Variants in PLEKHM1 observed in about 807,000 individuals in gnomAD.
PLEKHM1 encodes the protein pleckstrin homology domain-containing family M member 1.
A neutral mutation model predicts 94.3 loss-of-function variants in PLEKHM1; 28 were observed. That is an observed-to-expected ratio of 0.30 (90% CI 0.22 to 0.41). PLEKHM1 has a LOEUF of 0.41. Ranked by LOEUF, PLEKHM1 falls within the 10% of genes least tolerant of loss-of-function variation. The pLI is 1.00. For synonymous variants in PLEKHM1, 424 were observed against 581.2 expected, an observed-to-expected ratio of 0.73 and a Z score of 3.89; for missense variants, 907 against 1,358.6, an observed-to-expected ratio of 0.67 and a Z score of 5.22.
At chr17:45,476,573 C>T (rs1396406706) in intron 3 of PLEKHM1, among the ~76,000 whole-genome samples, 12 of 152,100 alleles carry the variant, frequency 7.9e-5, no homozygotes, top group Admixed American at 6.6e-5. Context: ...CACCAGAACC[C>T]CCTGGGGAAC....
intron 6 of PLEKHM1, 104 bp downstream of exon 6, chr17:45,458,065 A>G (rs1348730470): frequency 1.2e-6 from 1 of 828,772 alleles, no homozygotes; most frequent in East Asian, 2.7e-5. Context: ...CACTTGTGGG[A>G]ACACACTACC....
rs2051394057 is a variant in PLEKHM1 at position 45,468,498 on chromosome 17, G to C, written c.1019C>G (p.Ser340Cys). The change falls in exon 5 of 12, where the codon TCC (serine) becomes TGC (cysteine). Residue 340 changes from serine to cysteine, a missense_variant. Ser to Cys is a moderately radical substitution (Grantham distance 112). Coordinates refer to ENST00000430334, the MANE Select transcript of PLEKHM1 (RefSeq NM_014798.3). ...TGTGCTGGTGTTGAGGCCATGGAGGGAGAGCGAGGCCTGTGGTGTGGGGAT... is the reference window on the plus strand; with the variant it reads ...TGTGCTGGTGTTGAGGCCATGGAGGCAGAGCGAGGCCTGTGGTGTGGGGAT... ...TEIPTPQASL[S>C]LHGLNTSTYL... 2 of 1,614,246 alleles carry C rather than the reference G, an allele frequency of 1.2e-6. No homozygotes were observed. Among genetic ancestry groups the C allele is most frequent in the Non-Finnish European group, 1.7e-6 (2 of 1,180,054 alleles).
rs1341754881 is a variant in PLEKHM1, at chr17:45,468,410, A to G, written c.1107T>C (p.Asp369=). Residue 369 remains aspartate, a synonymous_variant, in exon 5 of 12, where the codon GAT becomes GAC. Coordinates refer to ENST00000430334, the MANE Select transcript of PLEKHM1 (RefSeq NM_014798.3). ...LPAQAASGTQ[D]GVHVQEPRPQ... ...GACGCGGCTCCTGCACGTGGACACC[A>G]TCTTGAGTTCCAGAGGCTGCCTGGG... The G allele has an allele frequency of 2.5e-6, 4 of 1,614,112 alleles. No homozygotes were observed. Among genetic ancestry groups the G allele is most frequent in the South Asian group, 1.1e-5 (1 of 91,090 alleles).
In PLEKHM1 at chr17:45,454,221, C is replaced by T. The variant is rs866043195; in HGVS notation, c.1631G>A (p.Arg544Gln). ...CTCCTTCCAGATGCCCATTGCCCCC[C>T]GCCGCTCCACGGTGCCCAGCTTCAT... ...GLMKLGTVERRGAMGIWKELF... is the reference protein window; with the variant it reads ...GLMKLGTVERQGAMGIWKELF... Residue 544 changes from arginine (R) to glutamine (Q), a missense_variant, in exon 7 of 12, where the codon CGG becomes CAG. Physicochemically the swap from Arg to Gln is conservative, Grantham distance 43 (BLOSUM62 1). Transcript: ENST00000430334. 5.0e-6 allele frequency: 8 copies of T among 1,610,734 alleles called. No homozygotes were observed. The highest frequency in any genetic ancestry group is 1.7e-5 in the Admixed American group (1 of 59,702).
In PLEKHM1 at chr17:45,475,106, A is replaced by G; in HGVS notation, c.917T>C (p.Leu306Pro). The G allele has an allele frequency of 6.2e-7, 1 of 1,614,024 alleles. No individual in the cohort carries two copies. Among genetic ancestry groups the G allele is most frequent in the Non-Finnish European group, 8.5e-7 (1 of 1,179,864 alleles). The change falls in exon 4 of 12, where the codon CTG becomes CCG. Residue 306 changes from leucine (L) to proline (P), a missense_variant. Transcript: ENST00000430334. ...TANAEDSDRS[L>P]QEVLLEFSKA... ...GTGGGGGCAGCGTACTCACTCTTGC[A>G]GAGACCGGTCTGAGTCCTCAGCATT...
chr17:45,443,558 C>T lies in PLEKHM1; in HGVS notation c.2837+1912G>A, dbSNP rs559355499. ...AGGAGGGTCAGGGAGAGAGACAGGG[C>T]TGCCCCTGGTGCCCACAGAGACAGG... On this transcript the variant is annotated intron_variant, in intron 9 of 11. Coordinates refer to ENST00000430334, the MANE Select transcript of PLEKHM1 (RefSeq NM_014798.3). Among the ~76,000 whole-genome samples, 3 of 152,320 alleles carry T rather than the reference C, an allele frequency of 2.0e-5. No individual in the cohort carries two copies. In the East Asian group the frequency reaches 5.8e-4, roughly 29 times the overall value.
At position 45,475,482 on chromosome 17, in the gene PLEKHM1, T is replaced by G. The variant is rs1280421877; in HGVS notation, c.541A>C (p.Lys181Gln). Residue 181 changes from lysine to glutamine, a missense_variant, in exon 4 of 12, where the codon AAG becomes CAG. Lys to Gln is a moderately conservative substitution (Grantham distance 53, BLOSUM62 1). Around this residue, in one of 3 missense-constraint regions of PLEKHM1, gnomAD observed 176 missense variants for 306.0 expected, o/e 0.58. Coordinates refer to ENST00000430334, the MANE Select transcript of PLEKHM1 (RefSeq NM_014798.3). Reference sequence around the variant, plus strand: ...GTCCACTCATTTAAGATGGCAGACTTGTAGGAGAGTTCGAAGGACAAGGAC... The same window carrying G: ...GTCCACTCATTTAAGATGGCAGACTGGTAGGAGAGTTCGAAGGACAAGGAC... ...LTSLSFELSYKSAILNEWTLT... is the reference protein window; with the variant it reads ...LTSLSFELSYQSAILNEWTLT... The G allele has an allele frequency of 1.9e-6, 3 of 1,612,540 alleles. No homozygotes were observed. In the Admixed American group the frequency reaches 5.0e-5, roughly 27 times the overall value.
intron 2 of PLEKHM1, among the ~76,000 whole-genome samples, chr17:45,481,761 G>A (rs1268478169): frequency 6.6e-6 from 1 of 151,784 alleles, no homozygotes. Flanking sequence ...GACGGGGAAA[G>A]GCACGTCTCT....
chr17:45,466,075 G>A (rs958232651), intron 5 of PLEKHM1, among the ~76,000 whole-genome samples: 53 of 152,164 alleles, frequency 3.5e-4, no homozygotes, highest in Admixed American at 2.6e-4. Context: ...TCATTTTCAG[G>A]AAGCAAATCT....
intron 5 of PLEKHM1, among the ~76,000 whole-genome samples, chr17:45,465,515 C>CAA (rs2051292190): frequency 6.6e-6 from 1 of 151,862 alleles, no homozygotes; most frequent in South Asian, 2.1e-4. Flanking sequence ...TTGAGACCAG[C>CAA]CTGGTCAACA....
At position 45,454,292 on chromosome 17, in the gene PLEKHM1, G is replaced by C. The variant is rs2050878562; in HGVS notation, c.1580-20C>G. 7 of 1,580,704 alleles carry C rather than the reference G, an allele frequency of 4.4e-6. No individual in the cohort carries two copies. Among genetic ancestry groups the C allele is most frequent in the Middle Eastern group, 1.7e-4 (1 of 5,896 alleles). On this transcript the variant is annotated intron_variant, in intron 6 of 11. Transcript: ENST00000430334. ...ACAGTCCTGGAGGCAGAGGCAAAAAGGGGCACATTAGTTGGCGGGCCTGTC... is the reference window on the plus strand; with the variant it reads ...ACAGTCCTGGAGGCAGAGGCAAAAACGGGCACATTAGTTGGCGGGCCTGTC...
chr17:45,460,017 T>C (rs1275543303), intron 5 of PLEKHM1: 2 of 151,290 alleles, frequency 1.3e-5, no homozygotes, highest in African/African-American at 4.9e-5. Context: ...ATGACTGATG[T>C]CCTTATAAGA....
intron 4 of PLEKHM1, among the ~76,000 whole-genome samples, chr17:45,469,985 T>C (rs1169707570): frequency 2.6e-5 from 4 of 151,958 alleles, no homozygotes; most frequent in South Asian, 4.2e-4. Context: ...AGGCAGAGAA[T>C]TGCTTGAACC....
Position 45,436,810 on chromosome 17 carries a change from C to A in PLEKHM1, c.*1048G>T, listed in dbSNP as rs146944003. On this transcript the variant is annotated 3_prime_UTR_variant, in exon 12 of 12. Coordinates refer to ENST00000430334, the MANE Select transcript of PLEKHM1 (RefSeq NM_014798.3). The stretch of plus-strand genomic sequence containing the variant: ...GGCTGCATCCACAGGGCAGTTCCCC[C>A]GCACGCCCTGCACAGCTTAGGACCA... 3.5e-5 allele frequency: 16 copies of A among 453,990 alleles called. No individual in the cohort carries two copies. Among genetic ancestry groups the A allele is most frequent in the South Asian group, 2.5e-4 (16 of 64,470 alleles). 28.1% of individuals were successfully genotyped at this position (453,990 alleles called of 1,614,324 possible).
intron 5 of PLEKHM1, among the ~76,000 whole-genome samples, chr17:45,466,353 T>C (rs1213125914): frequency 5.3e-5 from 8 of 152,158 alleles, no homozygotes; most frequent in Admixed American, 3.9e-4. Flanking sequence ...GAATATCTCT[T>C]AAATGGGACA....
intron 6 of PLEKHM1, among the ~76,000 whole-genome samples, chr17:45,456,556 G>C (rs2050954815): frequency 6.6e-6 from 1 of 152,220 alleles, no homozygotes; most frequent in Non-Finnish European, 1.5e-5. Flanking sequence ...TGATGGCCTA[G>C]ACCTGAAGCA....
At chr17:45,480,958 T>C (rs2051933747) in intron 2 of PLEKHM1, among the ~76,000 whole-genome samples, 1 of 152,246 alleles carries the variant, frequency 6.6e-6, no homozygotes, top group Non-Finnish European at 1.5e-5. Context: ...ACTGTACACA[T>C]AACCCTATGT....
intron 7 of PLEKHM1, chr17:45,452,848 G>A (rs2050812030): frequency 5.3e-6 from 1 of 187,728 alleles, no homozygotes; most frequent in South Asian, 1.1e-4. Flanking sequence ...TAAGCACCTG[G>A]TAGCACTACA....
chr17:45,461,465 A>C (rs1392150585), intron 5 of PLEKHM1, among the ~76,000 whole-genome samples: 2 of 152,222 alleles, frequency 1.3e-5, no homozygotes, highest in African/African-American at 4.8e-5. Flanking sequence ...CCATTGCCTA[A>C]GTCAGTATCA....
Sources: allele counts gnomAD v4.1 joint callset (sites outside exome capture counted in the v4.1 genomes callset), GRCh38; gene constraint gnomAD v4.1.1; regional missense constraint gnomAD v4.1.1; transcripts MANE v1.5; gene names NCBI Gene and HGNC (gene_info 2026-07-23, HGNC 2026-07-21).